The following NOL10 variants were observed in gnomAD, a reference collection of about 807,000 sequenced individuals.
NOL10 encodes the protein nucleolar protein 10, also known as H_NH0074G24.1.
NOL10 carries 58 observed loss-of-function variants against 103.5 expected under a neutral mutation model. The observed-to-expected ratio is 0.56, with a 90% CI of 0.45 to 0.70. NOL10 has a LOEUF of 0.70. Ranked by LOEUF, NOL10 falls within the 30% of genes least tolerant of loss-of-function variation. NOL10 has a pLI of 0.00. For synonymous variants in NOL10, 287 were observed against 282.5 expected (o/e 1.02, Z -0.16); for missense variants, 763 against 807.3 (o/e 0.95, Z 0.67).
rs1674188954 is a variant in NOL10, at chr2:10,571,747, T to C, written c.*324A>G. The C allele has an allele frequency of 5.0e-6, 1 of 198,574 alleles. No individual in the cohort carries two copies. The highest frequency in any genetic ancestry group is 1.0e-5 in the Non-Finnish European group (1 of 98,958). The allele number at this position is 198,574 out of a possible 1,614,324, so 12.3% of individuals were successfully genotyped here. On this transcript the variant is annotated 3_prime_UTR_variant, in exon 21 of 21. Transcript: ENST00000381685. ...ATAAACCTTGGTTTCTGGCACAGGA[T>C]AAACCTTTCATTTCATGGTGTACAT...
At chr2:10,667,881 TTA>T (rs1680658049) in intron 7 of NOL10, among the ~76,000 whole-genome samples, 1 of 152,112 alleles carries the variant, frequency 6.6e-6, no homozygotes, top group African/African-American at 2.4e-5. Flanking sequence ...TAAAAAAAAA[TTA>T]GAGTTTATTT....
chr2:10,581,991 C>A (rs1340973494), intron 19 of NOL10, among the ~76,000 whole-genome samples: 3 of 152,146 alleles, frequency 2.0e-5, no homozygotes, highest in Admixed American at 2.0e-4. Flanking sequence ...GAGGCTTTAA[C>A]CTTCAGCCCA....
At chr2:10,607,786 T>C (rs1315754413) in intron 13 of NOL10, among the ~76,000 whole-genome samples, 4 of 95,972 alleles carry the variant, frequency 4.2e-5, no homozygotes, top group South Asian at 3.1e-4. Flanking sequence ...TTTGTAGAGA[T>C]AGGGTTTTGC....
chr2:10,678,865 T>G (rs906166805), intron 3 of NOL10, among the ~76,000 whole-genome samples: 5 of 152,168 alleles, frequency 3.3e-5, no homozygotes. Context: ...ACTCTACAAT[T>G]GTGCTGTCCA....
At chr2:10,654,639 C>T in intron 11 of NOL10, 92 bp from the exon 12 acceptor site, 1 of 630,400 alleles carries the variant, frequency 1.6e-6, no homozygotes, top group Non-Finnish European at 2.8e-6. Flanking sequence ...CCATCTACTC[C>T]TATGTAAAGA....
At chr2:10,592,913 T>C (rs918149707) in intron 17 of NOL10, among the ~76,000 whole-genome samples, 1 of 152,198 alleles carries the variant, frequency 6.6e-6, no homozygotes, top group South Asian at 2.1e-4. Flanking sequence ...TAATGTTCTA[T>C]AGGAGCTTAC....
chr2:10,644,313 T>C lies in NOL10; in HGVS notation c.1026+7A>G. ...TTTTTACTGAAACTCCTCTTTGTAT[T>C]ACTTACTGGAATGTAATAGATGCCC... On this transcript the variant is annotated splice_region_variant and intron_variant, in intron 13 of 20. Transcript: ENST00000381685. 1 of 1,510,842 alleles carries C rather than the reference T, an allele frequency of 6.6e-7. No individual in the cohort carries two copies. Among genetic ancestry groups the C allele is most frequent in the Non-Finnish European group, 8.9e-7 (1 of 1,129,060 alleles). 93.6% of individuals were successfully genotyped at this position (1,510,842 alleles called of 1,614,324 possible).
intron 13 of NOL10, among the ~76,000 whole-genome samples, chr2:10,625,722 C>T (rs1165973811): frequency 6.6e-6 from 1 of 151,964 alleles, no homozygotes; most frequent in African/African-American, 2.4e-5. Context: ...CACCCCACCC[C>T]CACAAAAAAA....
At position 10,572,006 on chromosome 2, in the gene NOL10, C is replaced by T; in HGVS notation, c.*65G>A. ...GTGTTTCCTCGTCTGTGTTTAACAC[C>T]CTAACGATGATCAGTTTGGGGGAGA... On this transcript the variant is annotated 3_prime_UTR_variant, in exon 21 of 21. Transcript: ENST00000381685. The T allele has an allele frequency of 6.4e-7, 1 of 1,573,688 alleles. No homozygotes were observed. The highest frequency in any genetic ancestry group is 8.7e-7 in the Non-Finnish European group (1 of 1,146,984).
At chr2:10,590,282 A>AT (rs1450926585) in intron 17 of NOL10, among the ~76,000 whole-genome samples, 3 of 151,908 alleles carry the variant, frequency 2.0e-5, no homozygotes, top group African/African-American at 4.8e-5. Context: ...CTAATTTTTT[A>AT]TTTTTTGTAG....
At chr2:10,606,658 A>G (rs1365928949) in intron 14 of NOL10, among the ~76,000 whole-genome samples, 2 of 151,848 alleles carry the variant, frequency 1.3e-5, no homozygotes, top group Admixed American at 6.6e-5. Context: ...GCCCTATCTC[A>G]TAAGTATTTG....
At chr2:10,659,099 G>T in intron 10 of NOL10, 73 bp downstream of exon 10, 2 of 980,798 alleles carry the variant, frequency 2.0e-6, no homozygotes, top group Non-Finnish European at 3.2e-6. Flanking sequence ...TTCCTGCAGT[G>T]TATTTCTCAT....
intron 2 of NOL10, among the ~76,000 whole-genome samples, chr2:10,683,822 T>C (rs937853533): frequency 5.3e-5 from 8 of 152,220 alleles, no homozygotes; most frequent in African/African-American, 1.7e-4. Flanking sequence ...GTTCATGCTA[T>C]CTACTGTGCT....
In NOL10 at chr2:10,589,748, G is replaced by T; in HGVS notation, c.1426C>A (p.Leu476Ile). 6.6e-7 allele frequency: 1 copy of T among 1,509,122 alleles called. No individual in the cohort carries two copies. Among genetic ancestry groups the T allele is most frequent in the Middle Eastern group, 1.7e-4 (1 of 5,748 alleles). 93.5% of individuals were successfully genotyped at this position (1,509,122 alleles called of 1,614,324 possible). ...CGATCATCGGTGAGAATATTAGGAA[G>T]ACTCTACAAGGAGGAAAAAGTACGT... Reference protein sequence around the residue: ...KSTWKKKVKSLPNILTDDRFK... With the variant: ...KSTWKKKVKSIPNILTDDRFK... The change falls in exon 18 of 21, where the codon CTT becomes ATT. Residue 476 changes from leucine (L) to isoleucine (I), a missense_variant. Transcript: ENST00000381685.
chr2:10,621,891 AC>A (rs1263192141), intron 13 of NOL10: 2 of 340,556 alleles, frequency 5.9e-6, no homozygotes, highest in Admixed American at 7.5e-5. Flanking sequence ...TAATGATCTC[AC>A]TTGACTCTGG....
rs1323333701 is a variant in NOL10 at position 10,587,110 on chromosome 2, CATATAT to C, written c.1844+1927_1844+1932del. ...ATACATATATATACACATATATATACATATATATACATATATATACATATATACACA... is the reference window on the plus strand; with the variant it reads ...ATACATATATATACACATATATATACATACATATATATACATATATACACA... On this transcript the variant is annotated intron_variant, in intron 19 of 20. Transcript: ENST00000381685. 2.0e-3 allele frequency among the ~76,000 whole-genome samples: 84 copies of C among 42,116 alleles called. 8 individuals carry two copies. The highest frequency in any genetic ancestry group is 8.4e-3 in the African/African-American group (64 of 7,602). 27.6% of individuals were successfully genotyped at this position (42,116 alleles called of 152,430 possible). A position where few individuals can be genotyped will look rare whatever the true frequency, so the allele number is the denominator to read the frequency against.
Position 10,587,168 on chromosome 2 carries a change from C to CATATAT in NOL10, c.1844+1874_1844+1875insATATAT, listed in dbSNP as rs1558270466. ...ATATATACATATATACACATATATA[C>CATATAT]ACATATATATACACATATATATACA... On this transcript the variant is annotated intron_variant, in intron 19 of 20. Transcript: ENST00000381685. Among the ~76,000 whole-genome samples, 8 of 35,948 alleles carry CATATAT rather than the reference C, an allele frequency of 2.2e-4. 3 individuals are homozygous for CATATAT. In the East Asian group the frequency reaches 4.0e-3, roughly 18 times the overall value. 23.6% of individuals were successfully genotyped at this position (35,948 alleles called of 152,430 possible). A position where few individuals can be genotyped will look rare whatever the true frequency, so the allele number is the denominator to read the frequency against.
rs529349447 is a variant in NOL10 at position 10,571,783 on chromosome 2, T to TTAA, written c.*287_*288insTTA. The TTAA allele has an allele frequency of 7.5e-6, 2 of 264,990 alleles. No homozygotes were observed. The highest frequency in any genetic ancestry group is 5.0e-5 in the Admixed American group (1 of 20,002). 16.4% of individuals were successfully genotyped at this position (264,990 alleles called of 1,614,324 possible). ...TTTCATGGTGTACATTTCACAATAT[T>TTAA]AAAAAAACCCCAGCCTGGTTTTCAT... On this transcript the variant is annotated 3_prime_UTR_variant, in exon 21 of 21. Transcript: ENST00000381685.
At chr2:10,592,004 A>G (rs1461105335) in intron 17 of NOL10, among the ~76,000 whole-genome samples, 6 of 151,304 alleles carry the variant, frequency 4.0e-5, no homozygotes, top group Non-Finnish European at 7.4e-5. Context: ...TGTCACAAAC[A>G]AACAAACAAA....
Sources: gnomAD v4.1 joint callset for allele counts (sites outside exome capture counted in the v4.1 genomes callset) on GRCh38, gnomAD v4.1.1 for gene constraint, MANE v1.5 for transcripts, NCBI Gene and HGNC (gene_info 2026-07-23, HGNC 2026-07-21) for gene names.